Variants in CSF1R observed in about 807,000 individuals in gnomAD.
CSF1R encodes colony stimulating factor 1 receptor, also known as macrophage colony-stimulating factor 1 receptor.
Under a neutral mutation model 110.0 loss-of-function variants are expected in CSF1R, and 40 were observed. That is an observed-to-expected ratio of 0.36 (90% CI 0.28 to 0.47). The LOEUF (loss-of-function observed/expected upper bound fraction) is 0.47. Among genes scored for constraint, CSF1R ranks in the 20% least tolerant of loss-of-function variants. CSF1R has a pLI of 0.99. For missense variants in CSF1R, 1,052 were observed against 1,253.0 expected (o/e 0.84, Z 2.42); for synonymous variants, 523 against 503.4 (o/e 1.04, Z -0.52).
At chr5:150,074,750 T>A (rs898168482) in intron 5 of CSF1R, among the ~76,000 whole-genome samples, 14 of 152,118 alleles carry the variant, frequency 9.2e-5, no homozygotes, top group Non-Finnish European at 1.3e-4. Flanking sequence ...CTCTATGGAG[T>A]CCCATTGCCT....
chr5:150,096,277 C>A (rs1163869063), intron 1 of CSF1R, among the ~76,000 whole-genome samples: 1 of 152,146 alleles, frequency 6.6e-6, no homozygotes, highest in Non-Finnish European at 1.5e-5. Flanking sequence ...GTAATCCCAG[C>A]TACTTGGGAG....
At position 150,056,207 on chromosome 5, in the gene CSF1R, C is replaced by G. The variant is rs2113779202; in HGVS notation, c.2442+12G>C. ...CCCTCCCCAGCCTGGCCCAAGCCCT[C>G]CCAGCACTTACATTGCCCTTGACAA... On this transcript the variant is annotated intron_variant, in intron 17 of 20. Transcript: ENST00000675795. 2 of 1,614,240 alleles carry G rather than the reference C, an allele frequency of 1.2e-6. No individual in the cohort carries two copies. The highest frequency in any genetic ancestry group is 1.7e-6 in the Non-Finnish European group (2 of 1,180,030).
At position 150,080,805 on chromosome 5, in the gene CSF1R, G is replaced by A. The variant is rs1758503493; in HGVS notation, c.269C>T (p.Pro90Leu). ...GTGGATGGCGGCGCTGCCTCCCAGG[G>A]GGTCTCCAGGCTCAGTGCAGCGATA... Reference protein sequence around the residue: ...GTYRCTEPGDPLGGSAAIHLY... With the variant: ...GTYRCTEPGDLLGGSAAIHLY... The change falls in exon 2 of 21, where the codon CCC becomes CTC. Residue 90 changes from proline (P) to leucine (L), a missense_variant. This residue lies in a region of CSF1R where 693 missense variants were observed against 735.4 expected (regional missense o/e 0.94). Coordinates refer to ENST00000675795, the MANE Select transcript of CSF1R (RefSeq NM_001288705.3). The A allele has an allele frequency of 1.9e-6, 3 of 1,614,142 alleles. No homozygotes were observed. The highest frequency in any genetic ancestry group is 2.2e-5 in the South Asian group (2 of 91,082).
Position 150,059,721 on chromosome 5 carries a change from A to G in CSF1R, c.2111T>C (p.Leu704Pro). ...EGGVDYKNIH[L>P]EKKYVRRDSG... ...CTACCTGCGGACATATTTCTTCTCG[A>G]GGTGGATGTTCTTATAGTCGACGCC... The change falls in exon 14 of 21, where the codon CTC becomes CCC. Residue 704 changes from leucine (L) to proline (P), a missense_variant. Leu to Pro is a moderately conservative substitution (Grantham distance 98). Transcript: ENST00000675795. 1 of 1,613,894 alleles carries G rather than the reference A, an allele frequency of 6.2e-7. No individual in the cohort carries two copies. The highest frequency in any genetic ancestry group is 8.5e-7 in the Non-Finnish European group (1 of 1,179,908).
At chr5:150,086,688 G>A (rs958049317), upstream of CSF1R, 11 of 441,156 alleles carry the variant, frequency 2.5e-5, no homozygotes, top group South Asian at 7.6e-5. Context: ...GGGAGGGGTC[G>A]CAGTCTGGGG....
chr5:150,083,349 A>AACACACAC (rs59055324), intron 1 of CSF1R, among the ~76,000 whole-genome samples: 1,170 of 106,356 alleles, frequency 0.011, 20 homozygotes, highest in Middle Eastern at 0.014. Flanking sequence ...CTTCTCTCCC[A>AACACACAC]ACACACACAC....
Position 150,078,130 on chromosome 5 carries a change from G to C in CSF1R, c.711C>G (p.Leu237=). 1 of 1,614,130 alleles carries C rather than the reference G, an allele frequency of 6.2e-7. No individual in the cohort carries two copies. The highest frequency in any genetic ancestry group is 8.5e-7 in the Non-Finnish European group (1 of 1,180,000). The change falls in exon 4 of 21, where the codon CTC becomes CTG. Residue 237 remains leucine, a synonymous_variant. Transcript: ENST00000675795. ...SSVDVNFDVF[L]QHNNTKLAIP... ...GACTGACCTTGGTGTTGTTGTGTTG[G>C]AGGAAGACATCAAAGTTAACATCAA...
chr5:150,087,974 G>A (rs151165583), upstream of CSF1R, among the ~76,000 whole-genome samples: 50 of 152,238 alleles, frequency 3.3e-4, no homozygotes, highest in East Asian at 4.0e-3. Flanking sequence ...GAGCTCAAGT[G>A]ATTCGCATAC....
chr5:150,057,075 TG>T (rs1757252645), intron 16 of CSF1R, among the ~76,000 whole-genome samples: 1 of 152,100 alleles, frequency 6.6e-6, no homozygotes, highest in Non-Finnish European at 1.5e-5. Context: ...ATCTTCACGC[TG>T]GGGACACAGG....
At chr5:150,113,097 G>A (rs1436315353) in intron 1 of CSF1R, among the ~76,000 whole-genome samples, 3 of 152,138 alleles carry the variant, frequency 2.0e-5, no homozygotes, top group African/African-American at 7.2e-5. Flanking sequence ...TGTTGCTGCC[G>A]GGGTCCCACA....
intron 1 of CSF1R, among the ~76,000 whole-genome samples, chr5:150,100,320 C>T (rs1395272655): frequency 2.8e-4 from 11 of 39,422 alleles, no homozygotes; most frequent in South Asian, 1.4e-3. Flanking sequence ...TTTTCTGAGA[C>T]GGAGTCTTGC....
chr5:150,101,751 C>T (rs570831886), intron 1 of CSF1R, among the ~76,000 whole-genome samples: 195 of 151,572 alleles, frequency 1.3e-3, no homozygotes, highest in African/African-American at 4.5e-3. Flanking sequence ...CCCCCCAAAC[C>T]CTTATTCACC....
At chr5:150,074,070 T>C (rs1034668987) in intron 5 of CSF1R, among the ~76,000 whole-genome samples, 2 of 152,174 alleles carry the variant, frequency 1.3e-5, no homozygotes, top group Non-Finnish European at 2.9e-5. Context: ...ATTTTACTGG[T>C]GTTGCTGGAT....
At chr5:150,069,776 C>T (rs377108103) in intron 9 of CSF1R, 97 bp downstream of exon 9, 1 of 1,242,752 alleles carries the variant, frequency 8.0e-7, no homozygotes, top group East Asian at 2.6e-5. Context: ...GGAGCCAACC[C>T]CAGCTCCCTC....
intron 1 of CSF1R, among the ~76,000 whole-genome samples, chr5:150,102,228 C>T (rs1372009609): frequency 2.6e-5 from 4 of 152,210 alleles, no homozygotes; most frequent in Non-Finnish European, 4.4e-5. Flanking sequence ...CTAAGAAGGC[C>T]GTGAGGATGT....
chr5:150,078,828 C>A (rs1227875733), intron 3 of CSF1R, among the ~76,000 whole-genome samples: 2 of 152,160 alleles, frequency 1.3e-5, no homozygotes, highest in African/African-American at 2.4e-5. Flanking sequence ...TCCTTCAGAT[C>A]TTTAGCTCAA....
intron 9 of CSF1R, among the ~76,000 whole-genome samples, chr5:150,069,287 A>T (rs1381409633): frequency 1.3e-5 from 2 of 152,152 alleles, no homozygotes; most frequent in African/African-American, 4.8e-5. Flanking sequence ...TCTGAGAATC[A>T]CAGAACTAGC....
At chr5:150,090,364 G>GTA (rs1235124075), upstream of CSF1R, among the ~76,000 whole-genome samples, 1 of 152,092 alleles carries the variant, frequency 6.6e-6, no homozygotes, top group Non-Finnish European at 1.5e-5. Context: ...ATATAACAAT[G>GTA]TAACCACCAC....
chr5:150,110,320 G>T (rs1354440755), intron 1 of CSF1R, among the ~76,000 whole-genome samples: 1 of 152,198 alleles, frequency 6.6e-6, no homozygotes, highest in African/African-American at 2.4e-5. Flanking sequence ...CCCCTCCCCT[G>T]TCAAGGTGTG....
Sources: allele counts gnomAD v4.1 joint callset (sites outside exome capture counted in the v4.1 genomes callset), GRCh38; gene constraint gnomAD v4.1.1; regional missense constraint gnomAD v4.1.1; transcripts MANE v1.5; gene names NCBI Gene and HGNC (gene_info 2026-07-23, HGNC 2026-07-21).